The following SLC16A4 variants were observed in gnomAD, a reference collection of about 807,000 sequenced individuals.
The protein encoded by SLC16A4 is probable monocarboxylate transporter 5.
SLC16A4 carries 39 observed loss-of-function variants against 47.9 expected under a neutral mutation model. That is an observed-to-expected ratio of 0.81 (90% CI 0.63 to 1.06). The LOEUF is 1.06. SLC16A4 is among the 50% of genes least tolerant of loss of function. The pLI is 0.00. For missense variants in SLC16A4, 524 were observed against 573.8 expected, an observed-to-expected ratio of 0.91 and a Z score of 0.89; for synonymous variants, 189 against 199.9, an observed-to-expected ratio of 0.95 and a Z score of 0.46.
intron 2 of SLC16A4, among the ~76,000 whole-genome samples, chr1:110,387,424 G>A (rs1662791144): frequency 6.6e-6 from 1 of 152,170 alleles, no homozygotes; most frequent in African/African-American, 2.4e-5. Context: ...TTATAGAAAA[G>A]AACAGTTGTA....
chr1:110,380,967 C>T lies in SLC16A4; in HGVS notation c.526+15G>A, dbSNP rs1662345198. 3.7e-6 allele frequency: 6 copies of T among 1,611,908 alleles called. No homozygotes were observed. Among genetic ancestry groups the T allele is most frequent in the Non-Finnish European group, 5.1e-6 (6 of 1,178,326 alleles). ...TCTTGCACAGTTGATAGTAAATAAA[C>T]TTAGAATGACGTACCTGTCCAGTCA... On this transcript the variant is annotated intron_variant, in intron 5 of 8. Coordinates refer to ENST00000369779, the MANE Select transcript of SLC16A4 (RefSeq NM_004696.3).
chr1:110,379,105 C>T lies in SLC16A4; in HGVS notation c.778G>A (p.Glu260Lys), dbSNP rs774764492. Residue 260 changes from glutamate to lysine, a missense_variant, in exon 6 of 9, where the codon GAA (glutamate) becomes AAA (lysine). Transcript: ENST00000369779. ...KNLTVSQNQS[E>K]EFYNGPNRNR... is the part of the protein sequence containing the mutation. ...CTGTTAGGCCCATTGTAGAACTCTT[C>T]ACTTTGATTTTGTGAGACTGTTAAA... 197 of 1,614,112 alleles carry T rather than the reference C, an allele frequency of 1.2e-4. No homozygotes were observed. The highest frequency in any genetic ancestry group is 1.5e-4 in the Non-Finnish European group (180 of 1,180,056).
chr1:110,371,610 C>A (rs562636325), intron 8 of SLC16A4: 1 of 152,220 alleles, frequency 6.6e-6, no homozygotes, highest in South Asian at 2.1e-4. Context: ...TTTCCACAGC[C>A]TTCCAAGGCT....
At chr1:110,388,201 G>A (rs1387198321) in intron 2 of SLC16A4, among the ~76,000 whole-genome samples, 1 of 152,124 alleles carries the variant, frequency 6.6e-6, no homozygotes, top group Non-Finnish European at 1.5e-5. Flanking sequence ...GCTGTGTGGG[G>A]CATAGCTGGG....
intron 3 of SLC16A4, 48 bp downstream of exon 3, chr1:110,382,786 C>T (rs1292344429): frequency 6.8e-6 from 10 of 1,467,678 alleles, no homozygotes; most frequent in African/African-American, 1.4e-5. Context: ...TGGAATTGCC[C>T]TTTGTGGTTC....
At position 110,389,219 on chromosome 1, in the gene SLC16A4, A is replaced by G. The variant is rs1570661485; in HGVS notation, c.87+18T>C. The G allele has an allele frequency of 1.1e-5, 17 of 1,600,174 alleles. No individual in the cohort carries two copies. Among genetic ancestry groups the G allele is most frequent in the Non-Finnish European group, 1.3e-5 (15 of 1,167,402 alleles). On this transcript the variant is annotated intron_variant, in intron 2 of 8. Transcript: ENST00000369779. ...TGCTTTTAGGCAATAGGAAAGGGGG[A>G]AAAAAGTGAATTCTTACCAGGAAAA... is the stretch of plus-strand genomic sequence containing the variant.
intron 2 of SLC16A4, among the ~76,000 whole-genome samples, chr1:110,386,974 T>A (rs1662769281): frequency 6.6e-6 from 1 of 152,234 alleles, no homozygotes; most frequent in Non-Finnish European, 1.5e-5. Context: ...CATCTGCTCG[T>A]CACATTTCTC....
chr1:110,377,898 C>T (rs57979650), intron 6 of SLC16A4, among the ~76,000 whole-genome samples: 8,572 of 152,188 alleles, frequency 0.056, 339 homozygotes, highest in East Asian at 0.16. Context: ...GGTGCATTCT[C>T]GGCTCACTGC....
At chr1:110,366,361 T>C (rs1260973822) in intron 8 of SLC16A4, among the ~76,000 whole-genome samples, 1 of 152,134 alleles carries the variant, frequency 6.6e-6, no homozygotes, top group Non-Finnish European at 1.5e-5. Flanking sequence ...GGTTTCGCCA[T>C]GTTGGCCAGG....
At position 110,363,872 on chromosome 1, in the gene SLC16A4, T is replaced by C; in HGVS notation, c.1358A>G (p.Gln453Arg). The C allele has an allele frequency of 6.2e-7, 1 of 1,612,508 alleles. No individual in the cohort carries two copies. Residue 453 changes from glutamine (Q) to arginine (R), a missense_variant, in exon 9 of 9, where the codon CAG (glutamine) becomes CGG (arginine). Transcript: ENST00000369779. ...GAAGTAGAAAGAGCCATTGTATGTC[T>C]GGGTATAATCATATAACCAGCCTGG... ...PIAGWLYDYT[Q>R]TYNGSFYFSG...
intron 6 of SLC16A4, among the ~76,000 whole-genome samples, 185 bp from the exon 7 acceptor site, chr1:110,377,346 T>C (rs1307855129): frequency 3.3e-5 from 5 of 152,166 alleles, no homozygotes; most frequent in Admixed American, 2.6e-4. Context: ...TTTAATAAAA[T>C]AGCAAAAAAG....
chr1:110,383,488 G>A (rs1662542793), intron 2 of SLC16A4, among the ~76,000 whole-genome samples: 1 of 152,142 alleles, frequency 6.6e-6, no homozygotes, highest in Admixed American at 6.5e-5. Flanking sequence ...CTGCCCTTTT[G>A]CGCTGAGTCA....
intron 6 of SLC16A4, 85 bp downstream of exon 6, chr1:110,378,768 T>C (rs1271100595): frequency 4.7e-6 from 7 of 1,493,816 alleles, no homozygotes. Flanking sequence ...TTTGTTTTTC[T>C]TTAGCTTTTT....
At chr1:110,379,461 T>C (rs1662228345) in intron 5 of SLC16A4, 105 bp from the exon 6 acceptor site, 2 of 1,025,874 alleles carry the variant, frequency 1.9e-6, no homozygotes, top group East Asian at 2.5e-5. Flanking sequence ...CCATTAATTC[T>C]TGAAAACATT....
chr1:110,364,498 G>GC (rs1491011517), intron 8 of SLC16A4, among the ~76,000 whole-genome samples: 3 of 113,394 alleles, frequency 2.6e-5, no homozygotes, highest in East Asian at 2.8e-4. Flanking sequence ...AAATCTAAAT[G>GC]CTTTTTTTTT....
chr1:110,369,073 A>G (rs1377145021), intron 8 of SLC16A4, among the ~76,000 whole-genome samples: 9 of 151,290 alleles, frequency 5.9e-5, no homozygotes, highest in Non-Finnish European at 1.0e-4. Context: ...TCCTGCCCCA[A>G]CCTCCCAAGT....
At position 110,382,919 on chromosome 1, in the gene SLC16A4, A is replaced by G. The variant is rs148878462; in HGVS notation, c.135T>C (p.Phe45=). Residue 45 remains phenylalanine, a synonymous_variant, in exon 3 of 9, where the codon TTT becomes TTC. Coordinates refer to ENST00000369779, the MANE Select transcript of SLC16A4 (RefSeq NM_004696.3). ...CTTCAAACTCTTCTTGAAAGACCAC[A>G]AAGAAAATTGCAAAAGTCTTGGTCA... ...MGMTKTFAIF[F]VVFQEEFEGT... The G allele has an allele frequency of 9.7e-4, 1,572 of 1,612,698 alleles. 1 individual carries two copies. The highest frequency in any genetic ancestry group is 1.2e-3 in the Non-Finnish European group (1,442 of 1,179,034).
At chr1:110,377,402 T>C (rs1662067969) in intron 6 of SLC16A4, among the ~76,000 whole-genome samples, 1 of 152,180 alleles carries the variant, frequency 6.6e-6, no homozygotes, top group Admixed American at 6.5e-5. Flanking sequence ...AGTGTTTTTT[T>C]CTGATTGTGT....
chr1:110,383,815 T>TTTG (rs1557913633), intron 2 of SLC16A4, among the ~76,000 whole-genome samples: 5 of 104,412 alleles, frequency 4.8e-5, no homozygotes, highest in African/African-American at 1.8e-4. Context: ...GTTTTTTTTT[T>TTTG]TTTTTTTTTT....
Sources: gnomAD v4.1 joint callset for allele counts (sites outside exome capture counted in the v4.1 genomes callset) on GRCh38, gnomAD v4.1.1 for gene constraint, MANE v1.5 for transcripts, NCBI Gene and HGNC (gene_info 2026-07-23, HGNC 2026-07-21) for gene names.